The following RBBP8 variants were observed in gnomAD, a reference collection of about 807,000 sequenced individuals.
RBBP8 encodes the protein DNA endonuclease RBBP8.
Under a neutral mutation model 108.3 loss-of-function variants are expected in RBBP8, and 88 were observed. The ratio of observed to expected loss-of-function variants is 0.81; its 90% confidence interval spans 0.68 to 0.97. RBBP8 has a LOEUF of 0.97. Among genes scored for constraint, RBBP8 ranks in the 50% least tolerant of loss-of-function variants. The pLI is 0.00. For missense variants in RBBP8, 1,023 were observed against 1,049.0 expected, an observed-to-expected ratio of 0.98 and a Z score of 0.34; for synonymous variants, 332 against 348.2, an observed-to-expected ratio of 0.95 and a Z score of 0.52.
intron 18 of RBBP8, 136 bp from the exon 19 acceptor site, chr18:23,026,007 C>T: frequency 1.4e-6 from 1 of 724,374 alleles, no homozygotes; most frequent in Non-Finnish European, 2.4e-6. Context: ...GATCAATCAT[C>T]AGCATCACAC....
At chr18:22,916,571 G>C (rs942848681) in intron 2 of RBBP8, among the ~76,000 whole-genome samples, 1 of 151,824 alleles carries the variant, frequency 6.6e-6, no homozygotes, top group African/African-American at 2.4e-5. Context: ...GTGTGTTAAT[G>C]AATCTTTGGT....
rs1915654399 is a variant in RBBP8 at position 22,991,017 on chromosome 18, G to A, written c.888G>A (p.Glu296=). ...GAAATCACAAGAAACAGCCTTTTGA[G>A]GAATCTACAAGAAATACTGAAGATA... ...LEGNHKKQPF[E]ESTRNTEDSL... Residue 296 remains glutamate, a synonymous_variant, in exon 10 of 19, where the codon GAG becomes GAA. Coordinates refer to ENST00000327155, the MANE Select transcript of RBBP8 (RefSeq NM_002894.3). 1 of 1,613,218 alleles carries A rather than the reference G, an allele frequency of 6.2e-7. No individual in the cohort carries two copies. Among genetic ancestry groups the A allele is most frequent in the South Asian group, 1.1e-5 (1 of 91,062 alleles).
intron 2 of RBBP8, among the ~76,000 whole-genome samples, chr18:22,940,338 T>G (rs1388393545): frequency 2.6e-5 from 2 of 77,174 alleles, no homozygotes; most frequent in African/African-American, 1.0e-4. Context: ...TTTTTTTTTT[T>G]GAGACAGAGT....
rs1438293780 is a variant in RBBP8 at position 22,927,929 on chromosome 18, C to T, written c.-153-1454C>T. ...AAAAAAAAAAAGCAGGAAAACAGGG[C>T]TGGGCGTGGTGGCTCATGCCTGTAA... is the stretch of plus-strand genomic sequence containing the variant. On this transcript the variant is annotated intron_variant, in intron 3 of 4. Transcript: ENST00000577588. Among the ~76,000 whole-genome samples, 11 of 147,840 alleles carry T rather than the reference C, an allele frequency of 7.4e-5. No homozygotes were observed. In the East Asian group the frequency reaches 2.2e-3, roughly 30 times the overall value.
At position 22,989,233 on chromosome 18, in the gene RBBP8, C is replaced by T; in HGVS notation, c.722C>T (p.Thr241Ile). 1 of 1,606,546 alleles carries T rather than the reference C, an allele frequency of 6.2e-7. No homozygotes were observed. The highest frequency in any genetic ancestry group is 8.5e-7 in the Non-Finnish European group (1 of 1,173,658). Residue 241 changes from threonine to isoleucine, a missense_variant, in exon 9 of 19, where the codon ACA (threonine) becomes ATA (isoleucine). Physicochemically the swap from Thr to Ile is moderately conservative, Grantham distance 89. Coordinates refer to ENST00000327155, the MANE Select transcript of RBBP8 (RefSeq NM_002894.3). ...SQSPMAKAHG[T>I]SSYTPDKSSF... ...TATTTATTCTTAGAAGCACATGGAACAAGCAGCTATACCCCTGATAAGTCA... is the reference window on the plus strand; with the variant it reads ...TATTTATTCTTAGAAGCACATGGAATAAGCAGCTATACCCCTGATAAGTCA...
chr18:22,978,352 C>T (rs1032797266), intron 6 of RBBP8, among the ~76,000 whole-genome samples: 5 of 152,150 alleles, frequency 3.3e-5, no homozygotes, highest in Non-Finnish European at 7.4e-5. Flanking sequence ...AAAGCTGTGA[C>T]GTGAACTCTT....
intron 18 of RBBP8, chr18:23,024,449 T>A (rs998240939): frequency 1.3e-5 from 2 of 152,160 alleles, no homozygotes; most frequent in African/African-American, 4.8e-5. Flanking sequence ...ATGAAGCTGT[T>A]CAGAAAAAAA....
At chr18:23,012,229 A>AAAC (rs1555648127) in intron 16 of RBBP8, among the ~76,000 whole-genome samples, 1 of 151,124 alleles carries the variant, frequency 6.6e-6, no homozygotes, top group Non-Finnish European at 1.5e-5. Flanking sequence ...AAAAAAAAAA[A>AAAC]AACCAACTAT....
At chr18:22,950,003 T>C in intron 4 of RBBP8, 1 of 257,830 alleles carries the variant, frequency 3.9e-6, no homozygotes, top group Non-Finnish European at 7.4e-6. Flanking sequence ...CCAGTTTTAC[T>C]TCTAAGTAGG....
At chr18:23,022,889 T>C (rs556507271) in intron 18 of RBBP8, among the ~76,000 whole-genome samples, 2 of 138,448 alleles carry the variant, frequency 1.4e-5, no homozygotes, top group Non-Finnish European at 3.1e-5. Context: ...AATTTCTCTT[T>C]TATTCTATCA....
chr18:23,022,374 G>A, intron 18 of RBBP8, 104 bp downstream of exon 18: 1 of 1,120,430 alleles, frequency 8.9e-7, no homozygotes, highest in African/African-American at 1.6e-5. Flanking sequence ...GCCAAGGTGG[G>A]TGGATCACCT....
chr18:22,959,131 C>A (rs1912847279), intron 4 of RBBP8, among the ~76,000 whole-genome samples: 2 of 152,242 alleles, frequency 1.3e-5, no homozygotes, highest in Admixed American at 1.3e-4. Flanking sequence ...TTACAGCTTA[C>A]CCTCAAGTAA....
intron 16 of RBBP8, among the ~76,000 whole-genome samples, chr18:23,016,266 TG>T (rs2046253791): frequency 2.0e-5 from 3 of 152,130 alleles, no homozygotes; most frequent in Non-Finnish European, 2.9e-5. Context: ...TGTGAAAGCC[TG>T]GGCACAGTGG....
chr18:22,922,027 T>A (rs1439797641), intron 3 of RBBP8, among the ~76,000 whole-genome samples: 1 of 152,178 alleles, frequency 6.6e-6, no homozygotes, highest in African/African-American at 2.4e-5. Flanking sequence ...TCCAAGAGGG[T>A]CTAGTTACAA....
At chr18:22,972,343 G>A (rs1241166250) in intron 5 of RBBP8, among the ~76,000 whole-genome samples, 4 of 110,726 alleles carry the variant, frequency 3.6e-5, no homozygotes, top group Non-Finnish European at 6.8e-5. Context: ...GACAGAGCGA[G>A]ACTCCCTCTC....
Position 22,936,925 on chromosome 18 carries a change from C to T in RBBP8, c.74C>T (p.Thr25Ile), listed in dbSNP as rs751695183. The T allele has an allele frequency of 2.5e-6, 4 of 1,613,962 alleles. No homozygotes were observed. The highest frequency in any genetic ancestry group is 3.4e-6 in the Non-Finnish European group (4 of 1,179,996). ...DTSSDFKDLW[T>I]KLKECHDREV... ...TCTAGTGACTTTAAGGACCTTTGGA[C>T]AAAACTAAAAGAATGTCATGATAGA... The change falls in exon 2 of 19, where the codon ACA (threonine) becomes ATA (isoleucine). Residue 25 changes from threonine to isoleucine, a missense_variant. Coordinates refer to ENST00000327155, the MANE Select transcript of RBBP8 (RefSeq NM_002894.3).
At chr18:22,926,354 C>T (rs1319982393) in intron 3 of RBBP8, among the ~76,000 whole-genome samples, 5 of 152,050 alleles carry the variant, frequency 3.3e-5, no homozygotes, top group African/African-American at 7.2e-5. Context: ...ACCTGGGAGG[C>T]GGAGGTTGCA....
chr18:22,993,306 G>A lies in RBBP8; in HGVS notation c.1479G>A (p.Leu493=). 1 of 1,614,206 alleles carries A rather than the reference G, an allele frequency of 6.2e-7. No individual in the cohort carries two copies. The highest frequency in any genetic ancestry group is 1.3e-5 in the African/African-American group (1 of 75,056). ...GTGTGATGGATAAACCTCTGGATCT[G>A]TCTGATCGATTTTCAGCTATTCAGC... ...GDCVMDKPLD[L]SDRFSAIQRQ... Residue 493 remains leucine (L), a synonymous_variant, in exon 11 of 19, where the codon CTG becomes CTA. Coordinates refer to ENST00000327155, the MANE Select transcript of RBBP8 (RefSeq NM_002894.3).
intron 4 of RBBP8, among the ~76,000 whole-genome samples, chr18:22,965,600 G>C (rs905978311): frequency 1.3e-5 from 2 of 152,152 alleles, no homozygotes; most frequent in African/African-American, 4.8e-5. Context: ...ACTCCTAACT[G>C]AGCCTCATGG....
Sources: allele counts gnomAD v4.1 joint callset (sites outside exome capture counted in the v4.1 genomes callset), GRCh38; gene constraint gnomAD v4.1.1; transcripts MANE v1.5; gene names NCBI Gene and HGNC (gene_info 2026-07-23, HGNC 2026-07-21).